CTNNA2: variants seen among roughly 807,000 people sequenced by gnomAD.
CTNNA2 encodes catenin alpha 2, also known as catenin alpha-2.
A neutral mutation model predicts 101.0 loss-of-function variants in CTNNA2; 42 were observed. That is an observed-to-expected ratio of 0.42 (90% CI 0.32 to 0.54). The LOEUF (loss-of-function observed/expected upper bound fraction) is 0.54, where lower values mean the gene tolerates loss of function less well. Among genes scored for constraint, CTNNA2 ranks in the 20% least tolerant of loss-of-function variants. CTNNA2 has a pLI of 0.14. For synonymous variants in CTNNA2, 450 were observed against 456.4 expected, an observed-to-expected ratio of 0.99 and a Z score of 0.18; for missense variants, 871 against 1,223.1, an observed-to-expected ratio of 0.71 and a Z score of 4.29.
intron 7 of CTNNA2, among the ~76,000 whole-genome samples, chr2:80,280,321 T>C: frequency 6.6e-6 from 1 of 151,120 alleles, no homozygotes; most frequent in East Asian, 2.1e-4. Context: ...TGCCTTCTGC[T>C]GACTGTTGAC....
intron 12 of CTNNA2, among the ~76,000 whole-genome samples, chr2:80,565,181 T>C (rs1693946780): frequency 6.6e-6 from 1 of 152,186 alleles, no homozygotes; most frequent in South Asian, 2.1e-4. Flanking sequence ...TTTTATTTTC[T>C]GGAAGTTACT....
intron 3 of CTNNA2, among the ~76,000 whole-genome samples, chr2:79,807,898 C>G (rs1676704253): frequency 6.6e-6 from 1 of 152,104 alleles, no homozygotes; most frequent in Non-Finnish European, 1.5e-5. Context: ...AAACTTCTTA[C>G]TTTGATATCA....
chr2:80,393,849 A>G (rs1677748965), intron 8 of CTNNA2, among the ~76,000 whole-genome samples: 1 of 152,214 alleles, frequency 6.6e-6, no homozygotes, highest in Non-Finnish European at 1.5e-5. Context: ...TTTTCTTAAC[A>G]GGGAGAAATC....
At chr2:80,020,988 A>C (rs1196218749) in intron 7 of CTNNA2, among the ~76,000 whole-genome samples, 1 of 142,654 alleles carries the variant, frequency 7.0e-6, no homozygotes, top group Non-Finnish European at 1.5e-5. Flanking sequence ...GGAATGACCA[A>C]TCATCTTTTT....
intron 7 of CTNNA2, among the ~76,000 whole-genome samples, chr2:79,992,035 A>T (rs1400642528): frequency 5.9e-5 from 9 of 152,178 alleles, no homozygotes; most frequent in Admixed American, 5.9e-4. Context: ...TCAGTGACGG[A>T]TATTGATATA....
At chr2:79,358,309 C>T (rs1677553225) in intron 3 of CTNNA2, among the ~76,000 whole-genome samples, 1 of 151,974 alleles carries the variant, frequency 6.6e-6, no homozygotes, top group Admixed American at 6.6e-5. Flanking sequence ...AAGTGATTCT[C>T]CTGCCTCAGC....
intron 15 of CTNNA2, among the ~76,000 whole-genome samples, chr2:80,592,024 C>T (rs558796914): frequency 6.6e-6 from 1 of 152,234 alleles, no homozygotes; most frequent in East Asian, 1.9e-4. Flanking sequence ...TGTTGCTAGT[C>T]TTGTGTCCCA....
rs60757492 is a variant in CTNNA2 at position 80,635,971 on chromosome 2, CT to C, written c.2575-11595del. The stretch of plus-strand genomic sequence containing the variant: ...TGGGTTGTCTTAAGGATGCCCATTG[CT>C]TTTTTTTTTTTTTTTTTTGATATAT... On this transcript the variant is annotated intron_variant, in intron 18 of 18. Coordinates refer to ENST00000402739, the MANE Select transcript of CTNNA2 (RefSeq NM_001282597.3). Among the ~76,000 whole-genome samples, 612 of 115,640 alleles carry C rather than the reference CT, an allele frequency of 5.3e-3. 4 individuals carry two copies. The highest frequency in any genetic ancestry group is 0.015 in the African/African-American group (446 of 30,676). The allele number at this position is 115,640 out of a possible 152,430, so 75.9% of individuals were successfully genotyped here.
chr2:80,576,786 TGAAAAA>T (rs1444188846), intron 13 of CTNNA2, among the ~76,000 whole-genome samples: 10 of 112,102 alleles, frequency 8.9e-5, no homozygotes, highest in African/African-American at 3.0e-4. Context: ...CTGTCTCTAC[TGAAAAA>T]AAAAAAAAAA....
rs147838559 is a variant in CTNNA2, at chr2:80,082,440, A to G, written c.1056+172643A>G. Among the ~76,000 whole-genome samples the G allele has an allele frequency of 1.3e-4, 20 of 152,304 alleles. No homozygotes were observed. In the East Asian group the frequency reaches 2.1e-3, roughly 16 times the overall value. ...CAGTACATTTCACCAAGGAATTTAC[A>G]ATCTAAGAAGAAAATTCAAAAGTTT... On this transcript the variant is annotated intron_variant, in intron 7 of 18. Coordinates refer to ENST00000402739, the MANE Select transcript of CTNNA2 (RefSeq NM_001282597.3).
chr2:79,356,452 T>G (rs946209416), intron 3 of CTNNA2, among the ~76,000 whole-genome samples: 2 of 152,220 alleles, frequency 1.3e-5, no homozygotes, highest in Non-Finnish European at 2.9e-5. Flanking sequence ...TTTTAATTTT[T>G]GATGACTTCC....
chr2:79,859,985 G>A (rs1681463874), intron 4 of CTNNA2, among the ~76,000 whole-genome samples: 2 of 152,150 alleles, frequency 1.3e-5, no homozygotes, highest in Non-Finnish European at 2.9e-5. Context: ...CAAAGTGAGT[G>A]TCCTGTCAGT....
At chr2:79,912,460 G>A (rs117093465) in intron 7 of CTNNA2, among the ~76,000 whole-genome samples, 2,323 of 152,290 alleles carry the variant, frequency 0.015, 170 homozygotes, top group Admixed American at 0.12. Flanking sequence ...CTTAATGAAC[G>A]TGGGTGTGCA....
intron 7 of CTNNA2, among the ~76,000 whole-genome samples, chr2:80,269,597 G>C (rs1444157492): frequency 6.6e-6 from 1 of 151,904 alleles, no homozygotes; most frequent in African/African-American, 2.4e-5. Flanking sequence ...AAAAAATGCT[G>C]TTATATGTTT....
At chr2:79,280,246 C>T (rs1165230113) in intron 2 of CTNNA2, among the ~76,000 whole-genome samples, 1 of 152,074 alleles carries the variant, frequency 6.6e-6, no homozygotes, top group Non-Finnish European at 1.5e-5. Flanking sequence ...TCTATGCCTC[C>T]ACCCTAAAAA....
chr2:79,531,165 A>G lies in CTNNA2; in HGVS notation c.-6+17958A>G, dbSNP rs143920755. ...CTTTTGTAAGGGAAATGCCACCACT[A>G]GTTTTTATTTATTAGTAAATAGATA... On this transcript the variant is annotated intron_variant, in intron 1 of 18. Transcript: ENST00000402739. 1.6e-4 allele frequency among the ~76,000 whole-genome samples: 23 copies of G among 141,538 alleles called. No individual in the cohort carries two copies. The East Asian group carries it at 3.9e-3, about 24-fold the overall frequency. 92.9% of individuals were successfully genotyped at this position (141,538 alleles called of 152,430 possible). A position where few individuals can be genotyped will look rare whatever the true frequency, so the allele number is the denominator to read the frequency against.
chr2:80,542,876 T>C (rs965373432), intron 9 of CTNNA2, among the ~76,000 whole-genome samples: 1 of 107,834 alleles, frequency 9.3e-6, no homozygotes, highest in East Asian at 2.3e-4. Flanking sequence ...ATCCTGATTT[T>C]TTCCCCCCCC....
intron 2 of CTNNA2, among the ~76,000 whole-genome samples, chr2:79,296,616 C>G (rs1347841599): frequency 6.6e-6 from 1 of 151,992 alleles, no homozygotes; most frequent in South Asian, 2.1e-4. Flanking sequence ...AGACAAGGAC[C>G]CAATATTCAT....
chr2:79,295,259 G>A (rs1675951209), intron 2 of CTNNA2, among the ~76,000 whole-genome samples: 1 of 152,062 alleles, frequency 6.6e-6, no homozygotes, highest in Non-Finnish European at 1.5e-5. Context: ...ACCTTGCTGA[G>A]AAGAAACCCT....
Sources: allele counts gnomAD v4.1 joint callset (sites outside exome capture counted in the v4.1 genomes callset), GRCh38; gene constraint gnomAD v4.1.1; transcripts MANE v1.5; gene names NCBI Gene and HGNC (gene_info 2026-07-23, HGNC 2026-07-21).